The following FHIT variants were observed in gnomAD, a reference collection of about 807,000 sequenced individuals.
FHIT encodes fragile histidine triad diadenosine triphosphatase, also known as bis(5'-adenosyl)-triphosphatase.
Under a neutral mutation model 17.9 loss-of-function variants are expected in FHIT, and 19 were observed. The observed-to-expected ratio is 1.06, with a 90% CI of 0.74 to 1.56. The LOEUF is 1.56. FHIT is among the 40% of genes most tolerant of loss of function. The pLI, the probability that FHIT is intolerant of heterozygous loss-of-function variation, is 0.00. For missense variants in FHIT, 248 were observed against 189.2 expected, an observed-to-expected ratio of 1.31 and a Z score of -1.82; for synonymous variants, 81 against 69.7, an observed-to-expected ratio of 1.16 and a Z score of -0.81.
intron 3 of FHIT, among the ~76,000 whole-genome samples, chr3:60,991,715 G>C (rs973308691): frequency 7.2e-5 from 11 of 152,062 alleles, no homozygotes; most frequent in Non-Finnish European, 1.5e-4. Flanking sequence ...CCAGAGTCTT[G>C]GTGAAAATTA....
chr3:60,174,828 TC>T (rs1701594157), intron 5 of FHIT, among the ~76,000 whole-genome samples: 1 of 152,190 alleles, frequency 6.6e-6, no homozygotes, highest in African/African-American at 2.4e-5. Flanking sequence ...ATTTTCTTTT[TC>T]CCCAGCCCCT....
At chr3:60,207,838 G>C (rs1454057857) in intron 5 of FHIT, among the ~76,000 whole-genome samples, 3 of 152,066 alleles carry the variant, frequency 2.0e-5, no homozygotes, top group Non-Finnish European at 4.4e-5. Flanking sequence ...ACATGGTAGG[G>C]GTAATGTATT....
At chr3:61,004,728 G>A (rs2031326974) in intron 3 of FHIT, among the ~76,000 whole-genome samples, 1 of 151,834 alleles carries the variant, frequency 6.6e-6, no homozygotes, top group African/African-American at 2.4e-5. Context: ...TTGGCCAGAA[G>A]GCAAAAAAAC....
chr3:60,334,471 G>C (rs1710139316), intron 5 of FHIT, among the ~76,000 whole-genome samples: 1 of 152,144 alleles, frequency 6.6e-6, no homozygotes, highest in Non-Finnish European at 1.5e-5. Flanking sequence ...TGCAGTACTT[G>C]GGTTGAGTGT....
chr3:61,095,702 C>G (rs2035617729), intron 2 of FHIT, among the ~76,000 whole-genome samples: 3 of 152,140 alleles, frequency 2.0e-5, no homozygotes, highest in African/African-American at 7.2e-5. Flanking sequence ...TATCCCCACC[C>G]AGGATGCCCT....
At chr3:59,905,921 T>A (rs1221300612) in intron 8 of FHIT, among the ~76,000 whole-genome samples, 1 of 152,142 alleles carries the variant, frequency 6.6e-6, no homozygotes, top group Non-Finnish European at 1.5e-5. Context: ...CCCTCAGAAA[T>A]GCAAATAACA....
At chr3:60,096,027 A>G (rs1027066903) in intron 5 of FHIT, among the ~76,000 whole-genome samples, 1 of 152,190 alleles carries the variant, frequency 6.6e-6, no homozygotes, top group Non-Finnish European at 1.5e-5. Flanking sequence ...GAGTTGACAC[A>G]GGATTTTTTC....
rs139171117 is a variant in FHIT at position 60,487,866 on chromosome 3, C to A, written c.103+48994G>T. On this transcript the variant is annotated intron_variant, in intron 5 of 9. Transcript: ENST00000492590. ...CTATTCTGTTATCTCAAAGATATAA[C>A]CAGGTGACAGAGTTCAAGTTCATTA... is the stretch of plus-strand genomic sequence containing the variant. Among the ~76,000 whole-genome samples, 3 of 152,274 alleles carry A rather than the reference C, an allele frequency of 2.0e-5. No individual in the cohort carries two copies. In the East Asian group the frequency reaches 5.8e-4, roughly 29 times the overall value.
chr3:60,717,322 A>G (rs2041707173), intron 4 of FHIT, among the ~76,000 whole-genome samples: 1 of 152,088 alleles, frequency 6.6e-6, no homozygotes, highest in Non-Finnish European at 1.5e-5. Context: ...TTTAAGATCT[A>G]CTCTCACCAC....
At chr3:60,329,651 T>C (rs1483820041) in intron 5 of FHIT, among the ~76,000 whole-genome samples, 4 of 152,206 alleles carry the variant, frequency 2.6e-5, no homozygotes, top group African/African-American at 9.6e-5. Context: ...AGACTCTACC[T>C]ATTCCATCTG....
At chr3:59,818,148 G>A (rs566731032) in intron 8 of FHIT, among the ~76,000 whole-genome samples, 1 of 152,116 alleles carries the variant, frequency 6.6e-6, no homozygotes, top group South Asian at 2.1e-4. Flanking sequence ...TTCCAAAGAG[G>A]GAGGCAGAAA....
intron 2 of FHIT, among the ~76,000 whole-genome samples, chr3:61,152,105 G>A (rs1448159188): frequency 6.6e-6 from 1 of 152,064 alleles, no homozygotes; most frequent in Non-Finnish European, 1.5e-5. Flanking sequence ...GTTCAAAAGA[G>A]GGCAGTTAAT....
intron 5 of FHIT, among the ~76,000 whole-genome samples, chr3:60,068,151 C>A (rs1702601649): frequency 6.6e-6 from 1 of 152,226 alleles, no homozygotes; most frequent in East Asian, 1.9e-4. Flanking sequence ...CAGGAGAATT[C>A]TTTGAACCAG....
intron 5 of FHIT, among the ~76,000 whole-genome samples, chr3:60,469,376 T>G (rs2032965409): frequency 6.6e-6 from 1 of 152,168 alleles, no homozygotes; most frequent in Non-Finnish European, 1.5e-5. Flanking sequence ...TGACTGTGTA[T>G]TTTCAAACAG....
intron 5 of FHIT, among the ~76,000 whole-genome samples, chr3:60,031,163 C>A (rs867572974): frequency 2.6e-5 from 4 of 152,212 alleles, no homozygotes; most frequent in South Asian, 2.1e-4. Flanking sequence ...CTACAAAACA[C>A]GTTTTATCTC....
At chr3:60,799,226 G>A (rs569478108) in intron 4 of FHIT, among the ~76,000 whole-genome samples, 97 of 152,242 alleles carry the variant, frequency 6.4e-4, no homozygotes, top group Non-Finnish European at 1.2e-3. Context: ...CCAGGCTAGA[G>A]TGCAATGGCG....
intron 8 of FHIT, among the ~76,000 whole-genome samples, chr3:59,877,763 T>C (rs946126349): frequency 2.6e-5 from 4 of 152,230 alleles, no homozygotes; most frequent in African/African-American, 9.6e-5. Flanking sequence ...CTTATATCTC[T>C]CCATATGTTT....
chr3:60,999,966 T>C (rs1306304634), intron 3 of FHIT, among the ~76,000 whole-genome samples: 2 of 152,112 alleles, frequency 1.3e-5, no homozygotes, highest in Non-Finnish European at 2.9e-5. Context: ...CCCTGGGGCC[T>C]CTTTTGTATA....
At chr3:60,037,954 T>A (rs1701288101) in intron 5 of FHIT, among the ~76,000 whole-genome samples, 1 of 151,848 alleles carries the variant, frequency 6.6e-6, no homozygotes, top group Non-Finnish European at 1.5e-5. Context: ...GCTCAGGCAA[T>A]CTGCCCGCCT....
Sources: allele counts gnomAD v4.1 joint callset (sites outside exome capture counted in the v4.1 genomes callset), GRCh38; gene constraint gnomAD v4.1.1; transcripts MANE v1.5; gene names NCBI Gene and HGNC (gene_info 2026-07-23, HGNC 2026-07-21).